Variants in RASEF observed in about 807,000 individuals in gnomAD.
RASEF encodes the protein ras and EF-hand domain-containing protein.
RASEF carries 68 observed loss-of-function variants against 90.1 expected under a neutral mutation model. The ratio of observed to expected loss-of-function variants is 0.75; its 90% CI spans 0.62 to 0.92. The LOEUF (loss-of-function observed/expected upper bound fraction) is 0.92, where lower values mean the gene tolerates loss of function less well. Ranked by LOEUF, RASEF falls within the 40% of genes least tolerant of loss-of-function variation. RASEF has a pLI of 0.00. For synonymous variants in RASEF, 331 were observed against 345.2 expected (o/e 0.96, Z 0.46); for missense variants, 949 against 937.2 (o/e 1.01, Z -0.16).
chr9:83,039,009 T>C (rs1201941713), intron 1 of RASEF, among the ~76,000 whole-genome samples: 2 of 152,238 alleles, frequency 1.3e-5, no homozygotes, highest in Admixed American at 6.5e-5. Context: ...TGATTTCACA[T>C]CACTGTTCTG....
At chr9:83,029,214 AATC>A (rs1487375812) in intron 1 of RASEF, among the ~76,000 whole-genome samples, 4 of 152,128 alleles carry the variant, frequency 2.6e-5, no homozygotes, top group African/African-American at 9.7e-5. Flanking sequence ...TCAACCATAA[AATC>A]ATACTGCTTC....
the RASEF span, among the ~76,000 whole-genome samples, chr9:83,120,782 C>T: frequency 6.6e-6 from 1 of 152,102 alleles, no homozygotes; most frequent in Non-Finnish European, 1.5e-5. Flanking sequence ...AAAGACCCTG[C>T]CAGGATGACC....
chr9:83,062,305 G>C, intron 1 of RASEF, 132 bp downstream of exon 1: 1 of 847,876 alleles, frequency 1.2e-6, no homozygotes, highest in Non-Finnish European at 1.8e-6. Flanking sequence ...AAAGCGAGTA[G>C]GTGAAGGAAG....
the RASEF span, among the ~76,000 whole-genome samples, chr9:83,192,580 G>A: frequency 2.6e-5 from 4 of 151,982 alleles, no homozygotes; most frequent in African/African-American, 4.8e-5. Flanking sequence ...AAGGAGAGAG[G>A]GGAGCAGAAA....
At chr9:83,034,018 T>C (rs149524001) in intron 1 of RASEF, among the ~76,000 whole-genome samples, 2 of 152,350 alleles carry the variant, frequency 1.3e-5, no homozygotes, top group South Asian at 2.1e-4. Context: ...TTACATAGTA[T>C]GCATGCTTCC....
the RASEF span, among the ~76,000 whole-genome samples, chr9:83,069,674 G>C: frequency 2.6e-5 from 4 of 152,134 alleles, no homozygotes; most frequent in Non-Finnish European, 5.9e-5. Context: ...TTTCTCTTGA[G>C]GAAGTTCCTA....
the RASEF span, among the ~76,000 whole-genome samples, chr9:83,097,384 G>A: frequency 6.6e-6 from 1 of 152,266 alleles, no homozygotes; most frequent in South Asian, 2.1e-4. Flanking sequence ...AATGGCAACA[G>A]CAGCCAAAAT....
intron 16 of RASEF, among the ~76,000 whole-genome samples, chr9:82,983,458 C>T (rs1038620246): frequency 1.5e-4 from 23 of 152,168 alleles, no homozygotes; most frequent in African/African-American, 5.3e-4. Context: ...AGGAAGTATC[C>T]TTCCAGGTGT....
At position 82,982,480 on chromosome 9, in the gene RASEF, G is replaced by A. The variant is rs543941938; in HGVS notation, c.*197C>T. ...CATGACTAGTCTATTTAGCCAGAGG[G>A]CCCAAATCACTCACTGAGACAAAAC... On this transcript the variant is annotated 3_prime_UTR_variant, in exon 17 of 17. Coordinates refer to ENST00000376447, the MANE Select transcript of RASEF (RefSeq NM_152573.4). 10 of 505,214 alleles carry A rather than the reference G, an allele frequency of 2.0e-5. No individual in the cohort carries two copies. Among genetic ancestry groups the A allele is most frequent in the Non-Finnish European group, 3.6e-5 (10 of 277,888 alleles). 31.3% of individuals were successfully genotyped at this position (505,214 alleles called of 1,614,324 possible).
At chr9:83,175,273 A>G in the RASEF span, among the ~76,000 whole-genome samples, 1 of 152,160 alleles carries the variant, frequency 6.6e-6, no homozygotes, top group African/African-American at 2.4e-5. Flanking sequence ...CAAGCTGAGG[A>G]GGTTCTCTTC....
chr9:83,055,736 C>G, intron 1 of RASEF: 1 of 702,308 alleles, frequency 1.4e-6, no homozygotes, highest in South Asian at 1.5e-5. Context: ...GGAATGAGCT[C>G]ACATCAATTT....
At chr9:83,059,496 C>T (rs956898944) in intron 1 of RASEF, among the ~76,000 whole-genome samples, 2 of 152,096 alleles carry the variant, frequency 1.3e-5, no homozygotes, top group African/African-American at 4.8e-5. Context: ...ATTCATTTGG[C>T]AAACATTTAC....
At chr9:83,048,720 G>A in intron 1 of RASEF, 2 of 985,202 alleles carry the variant, frequency 2.0e-6, no homozygotes, top group Non-Finnish European at 2.4e-6. Context: ...TGACAGAGGA[G>A]ATAAATACAC....
the RASEF span, among the ~76,000 whole-genome samples, chr9:83,153,106 G>T: frequency 6.6e-6 from 1 of 152,138 alleles, no homozygotes; most frequent in Non-Finnish European, 1.5e-5. Context: ...AGAAATGTTT[G>T]ATAAATTTCA....
intron 1 of RASEF, among the ~76,000 whole-genome samples, chr9:83,044,160 G>A (rs1175328392): frequency 6.6e-6 from 1 of 152,064 alleles, no homozygotes; most frequent in Non-Finnish European, 1.5e-5. Flanking sequence ...TAAAATGTCA[G>A]CCTTTGGACT....
At chr9:83,011,392 A>C (rs1564076494) in intron 5 of RASEF, among the ~76,000 whole-genome samples, 1 of 151,764 alleles carries the variant, frequency 6.6e-6, no homozygotes, top group Non-Finnish European at 1.5e-5. Flanking sequence ...TCTCTATTAA[A>C]ACTCAAAAAT....
chr9:83,138,111 G>A, the RASEF span, among the ~76,000 whole-genome samples: 2 of 151,672 alleles, frequency 1.3e-5, no homozygotes, highest in South Asian at 2.1e-4. Context: ...GGTACTTCAC[G>A]TTAATCTGCT....
the RASEF span, among the ~76,000 whole-genome samples, chr9:83,175,911 G>C: frequency 6.6e-6 from 1 of 152,146 alleles, no homozygotes; most frequent in African/African-American, 2.4e-5. Context: ...GTGCAGCTTG[G>C]TTTATACCCT....
Position 83,000,858 on chromosome 9 carries a change from G to T in RASEF, c.1437+38C>A, listed in dbSNP as rs76525356. The T allele has an allele frequency of 1.1e-5, 17 of 1,516,004 alleles. No homozygotes were observed. In the Admixed American group the frequency reaches 2.7e-4, roughly 24 times the overall value. 93.9% of individuals were successfully genotyped at this position (1,516,004 alleles called of 1,614,324 possible). ...AAATAAGGTGACAGATTTCAATCAC[G>T]TAGAAGGCCTAGGAGAGCAGTGGTT... On this transcript the variant is annotated intron_variant, in intron 10 of 16. Transcript: ENST00000376447.
Sources: allele counts gnomAD v4.1 joint callset (sites outside exome capture counted in the v4.1 genomes callset), GRCh38; gene constraint gnomAD v4.1.1; transcripts MANE v1.5; gene names NCBI Gene and HGNC (gene_info 2026-07-23, HGNC 2026-07-21).